TSHZ2: variants seen among roughly 807,000 people sequenced by gnomAD.
TSHZ2 encodes the protein teashirt zinc finger homeobox 2, also known as teashirt homolog 2.
TSHZ2 carries 21 observed loss-of-function variants against 74.4 expected under a neutral mutation model. The ratio of observed to expected loss-of-function variants is 0.28; its 90% CI spans 0.20 to 0.41. The LOEUF is 0.41. Ranked by LOEUF, TSHZ2 falls within the 10% of genes least tolerant of loss-of-function variation. The pLI is 1.00. For missense variants in TSHZ2, 1,244 were observed against 1,293.5 expected (o/e 0.96, Z 0.59); for synonymous variants, 540 against 515.3 (o/e 1.05, Z -0.65).
chr20:53,169,970 G>A (rs1341483736), intron 1 of TSHZ2, among the ~76,000 whole-genome samples: 1 of 151,340 alleles, frequency 6.6e-6, no homozygotes, highest in Admixed American at 6.6e-5. Flanking sequence ...ACATATATAT[G>A]CCCATTTTTT....
chr20:53,223,454 T>C (rs909912556), intron 1 of TSHZ2, among the ~76,000 whole-genome samples: 1 of 152,192 alleles, frequency 6.6e-6, no homozygotes, highest in South Asian at 2.1e-4. Context: ...TGCAGTGGCA[T>C]GATCATGGCT....
chr20:53,360,686 A>C (rs1163128148), intron 2 of TSHZ2, among the ~76,000 whole-genome samples: 1 of 152,214 alleles, frequency 6.6e-6, no homozygotes, highest in African/African-American at 2.4e-5. Context: ...ATTCTTAGAA[A>C]GCCCAAAAAT....
At chr20:53,321,370 G>T (rs1979253803) in intron 2 of TSHZ2, among the ~76,000 whole-genome samples, 1 of 152,020 alleles carries the variant, frequency 6.6e-6, no homozygotes, top group South Asian at 2.1e-4. Context: ...AAGTATGTTG[G>T]CATCCATTTG....
At chr20:53,091,154 A>G (rs559674306) in intron 1 of TSHZ2, among the ~76,000 whole-genome samples, 1 of 152,342 alleles carries the variant, frequency 6.6e-6, no homozygotes, top group African/African-American at 2.4e-5. Flanking sequence ...TCAATTTGGT[A>G]ATTTTGTAGC....
rs147630381 is a variant in TSHZ2, at chr20:53,256,521, C to T, written c.3063C>T (p.Pro1021=). Residue 1021 remains proline (P), a synonymous_variant, in exon 2 of 3, where the codon CCC becomes CCT. Transcript: ENST00000371497. The surrounding 1 kb of genome is among the most constrained non-coding windows in gnomAD (Gnocchi z 4.3). ...LHLSKTHSKS[P]EHHSQFVTDV... ...TAAGCAAAACGCACAGCAAGTCACC[C>T]GAACACCATTCACAGTTTGTAACAG... is the stretch of plus-strand genomic sequence containing the variant. The T allele has an allele frequency of 1.2e-4, 199 of 1,608,656 alleles. No individual in the cohort carries two copies. The highest frequency in any genetic ancestry group is 3.7e-4 in the African/African-American group (28 of 74,976).
chr20:53,118,347 G>A (rs1986723567), intron 1 of TSHZ2, among the ~76,000 whole-genome samples: 1 of 152,154 alleles, frequency 6.6e-6, no homozygotes, highest in African/African-American at 2.4e-5. Flanking sequence ...TCTTATGTGA[G>A]GTCCACTGAA....
chr20:53,448,561 A>G (rs2145776062), intron 2 of TSHZ2, among the ~76,000 whole-genome samples: 1 of 152,352 alleles, frequency 6.6e-6, no homozygotes, highest in South Asian at 2.1e-4. Context: ...CATCAGTTCT[A>G]TCAGATAATT....
chr20:53,308,308 A>G (rs1037442380), intron 2 of TSHZ2, among the ~76,000 whole-genome samples: 1 of 152,098 alleles, frequency 6.6e-6, no homozygotes, highest in African/African-American at 2.4e-5. Flanking sequence ...GAAAATGTTG[A>G]TTCTGGGTCT....
At chr20:53,357,782 A>G (rs1393466766) in intron 2 of TSHZ2, among the ~76,000 whole-genome samples, 1 of 152,160 alleles carries the variant, frequency 6.6e-6, no homozygotes, top group Non-Finnish European at 1.5e-5. Context: ...TGAAGTCCCT[A>G]GATCTTTGAG....
intron 1 of TSHZ2, among the ~76,000 whole-genome samples, chr20:53,037,656 G>GA (rs1983869078): frequency 6.6e-6 from 1 of 152,204 alleles, no homozygotes; most frequent in African/African-American, 2.4e-5. Flanking sequence ...TTAATGTCAA[G>GA]AGGTTGCACG....
intron 1 of TSHZ2, among the ~76,000 whole-genome samples, chr20:53,094,884 A>G (rs373712043): frequency 2.6e-5 from 4 of 152,222 alleles, no homozygotes; most frequent in African/African-American, 9.6e-5. Flanking sequence ...AAGTTTCCCC[A>G]GATTTACCTG....
At chr20:53,040,164 G>T (rs139033242) in intron 1 of TSHZ2, among the ~76,000 whole-genome samples, 1 of 152,288 alleles carries the variant, frequency 6.6e-6, no homozygotes, top group Admixed American at 6.5e-5. Flanking sequence ...CAGTGGTGGT[G>T]GGGTAAAGCA....
At chr20:52,973,421 C>A in intron 1 of TSHZ2, 88 bp downstream of exon 1, 2 of 1,492,238 alleles carry the variant, frequency 1.3e-6, no homozygotes, top group African/African-American at 1.4e-5. Context: ...GGGGCACCAC[C>A]CACTTAAGCT....
chr20:53,224,961 CAG>C (rs1989650676), intron 1 of TSHZ2, among the ~76,000 whole-genome samples: 1 of 151,992 alleles, frequency 6.6e-6, no homozygotes, highest in African/African-American at 2.4e-5. Flanking sequence ...TTGCTTAAAT[CAG>C]AGTCATCAAA....
rs368341486 is a variant in TSHZ2, at chr20:53,481,431, G to A, written c.*9-5713G>A. Among the ~76,000 whole-genome samples, 14 of 151,830 alleles carry A rather than the reference G, an allele frequency of 9.2e-5. No homozygotes were observed. In the East Asian group the frequency reaches 1.4e-3, roughly 15 times the overall value. On this transcript the variant is annotated intron_variant, in intron 2 of 2. Coordinates refer to ENST00000371497, the MANE Select transcript of TSHZ2 (RefSeq NM_173485.6). ...TACAAAAAATACAAAAAAATTAGCC[G>A]GATGTCCTGGTGCACACCTGTGGTC...
At chr20:53,099,231 A>G (rs1369029479) in intron 1 of TSHZ2, among the ~76,000 whole-genome samples, 5 of 152,202 alleles carry the variant, frequency 3.3e-5, no homozygotes, top group Admixed American at 6.5e-5. Flanking sequence ...TGCATTCCTC[A>G]AAGGCAAGTT....
chr20:53,449,078 G>A (rs1042482087), intron 2 of TSHZ2, among the ~76,000 whole-genome samples: 2 of 152,160 alleles, frequency 1.3e-5, no homozygotes, highest in Admixed American at 1.3e-4. Flanking sequence ...CCCTGTATCA[G>A]AGTCTCTAAT....
intron 2 of TSHZ2, among the ~76,000 whole-genome samples, chr20:53,347,565 T>G (rs1980485927): frequency 6.6e-6 from 1 of 152,228 alleles, no homozygotes; most frequent in Non-Finnish European, 1.5e-5. Flanking sequence ...AATATTGATT[T>G]ATTTATTGTC....
chr20:53,407,560 A>G (rs889040612), intron 2 of TSHZ2, among the ~76,000 whole-genome samples: 1 of 152,132 alleles, frequency 6.6e-6, no homozygotes, highest in Admixed American at 6.5e-5. Flanking sequence ...GAAGCCACCT[A>G]AGTTTGCACA....
Sources: gnomAD v4.1 joint callset for allele counts (sites outside exome capture counted in the v4.1 genomes callset) on GRCh38, gnomAD v4.1.1 for gene constraint, Gnocchi (gnomAD v3.1) non-coding constraint, MANE v1.5 for transcripts, NCBI Gene and HGNC (gene_info 2026-07-23, HGNC 2026-07-21) for gene names.